TRPM3: variants seen among roughly 807,000 people sequenced by gnomAD.
The protein encoded by TRPM3 is long transient receptor potential channel 3.
TRPM3 carries 77 observed loss-of-function variants against 181.2 expected under a neutral mutation model. That is an observed-to-expected ratio of 0.42 (90% CI 0.35 to 0.51). The LOEUF (loss-of-function observed/expected upper bound fraction) is 0.51, where lower values mean the gene tolerates loss of function less well. Among genes scored for constraint, TRPM3 ranks in the 20% least tolerant of loss-of-function variants. The probability of loss-of-function intolerance (pLI) is 0.01; values close to 1 mark genes in which losing one functional copy is unlikely to be tolerated. For synonymous variants in TRPM3, 745 were observed against 796.4 expected (o/e 0.94, Z 1.09); for missense variants, 1,759 against 2,196.7 (o/e 0.80, Z 3.98).
At chr9:70,985,398 C>A (rs2097408801) in intron 1 of TRPM3, among the ~76,000 whole-genome samples, 1 of 152,110 alleles carries the variant, frequency 6.6e-6, no homozygotes. Flanking sequence ...GAGGAAGAGG[C>A]CAACAAAATT....
intron 1 of TRPM3, among the ~76,000 whole-genome samples, chr9:71,259,448 A>T (rs1419024798): frequency 1.3e-5 from 2 of 152,096 alleles, no homozygotes; most frequent in Non-Finnish European, 2.9e-5. Flanking sequence ...CTGGTTCTAG[A>T]TCCTTGAGGA....
chr9:71,104,934 C>CAAAGTAGG (rs2069175664), intron 1 of TRPM3, among the ~76,000 whole-genome samples: 1 of 152,144 alleles, frequency 6.6e-6, no homozygotes. Context: ...TTGGCAGTTC[C>CAAAGTAGG]TACTAAGGTC....
rs562487979 is a variant in TRPM3, at chr9:71,228,637, C to T, written c.183+218016G>A. Among the ~76,000 whole-genome samples the T allele has an allele frequency of 2.2e-3, 331 of 152,174 alleles. 1 individual carries two copies. The highest frequency in any genetic ancestry group is 7.6e-3 in the African/African-American group (317 of 41,552). The stretch of plus-strand genomic sequence containing the variant: ...TCAGTAAAGTTGCAGGATACAGAAT[C>T]AACATACAAAAATCAGTAGCATTTC... On this transcript the variant is annotated intron_variant, in intron 1 of 24. Transcript: ENST00000357533.
intron 1 of TRPM3, among the ~76,000 whole-genome samples, chr9:70,963,524 G>T (rs527712451): frequency 1.3e-5 from 2 of 152,276 alleles, no homozygotes; most frequent in South Asian, 2.1e-4. Context: ...GCTGGCAATT[G>T]TCCATGTCTT....
At chr9:71,309,806 T>C (rs2087745863) in intron 1 of TRPM3, among the ~76,000 whole-genome samples, 2 of 152,054 alleles carry the variant, frequency 1.3e-5, no homozygotes, top group South Asian at 4.1e-4. Context: ...GAAAGTATCA[T>C]GGCAGAATTG....
At chr9:71,255,729 CAA>C (rs2082631646) in intron 1 of TRPM3, among the ~76,000 whole-genome samples, 1 of 152,142 alleles carries the variant, frequency 6.6e-6, no homozygotes, top group African/African-American at 2.4e-5. Context: ...TAACCTTGGG[CAA>C]GTCTTTTATT....
At chr9:71,023,541 C>T (rs144700839) in intron 1 of TRPM3, among the ~76,000 whole-genome samples, 7 of 152,130 alleles carry the variant, frequency 4.6e-5, no homozygotes, top group African/African-American at 1.2e-4. Flanking sequence ...TGAGTATTCA[C>T]GGCAACTTTA....
At chr9:71,266,703 C>T (rs536663509) in intron 1 of TRPM3, among the ~76,000 whole-genome samples, 1 of 152,244 alleles carries the variant, frequency 6.6e-6, no homozygotes, top group Admixed American at 6.5e-5. Flanking sequence ...TGGTGTACAG[C>T]AGATCTCTAG....
intron 22 of TRPM3, among the ~76,000 whole-genome samples, chr9:70,589,811 G>A (rs894109168): frequency 9.2e-5 from 14 of 152,156 alleles, no homozygotes; most frequent in Non-Finnish European, 1.3e-4. Context: ...AAAATCCATC[G>A]TGGAAGAATA....
chr9:70,814,257 C>A (rs1330956384), intron 6 of TRPM3, among the ~76,000 whole-genome samples: 1 of 152,008 alleles, frequency 6.6e-6, no homozygotes, highest in South Asian at 2.1e-4. Flanking sequence ...CAATATTGAC[C>A]GTGAAACCAG....
At chr9:71,194,105 G>T (rs2078195132) in intron 1 of TRPM3, among the ~76,000 whole-genome samples, 1 of 151,818 alleles carries the variant, frequency 6.6e-6, no homozygotes, top group Non-Finnish European at 1.5e-5. Flanking sequence ...ACCATAATGG[G>T]TAGTTTGAAT....
At chr9:71,178,023 A>C (rs752841948) in intron 1 of TRPM3, among the ~76,000 whole-genome samples, 1 of 151,922 alleles carries the variant, frequency 6.6e-6, no homozygotes, top group Non-Finnish European at 1.5e-5. Context: ...GAGTACAAGC[A>C]AAAGCATTAT....
chr9:71,368,062 C>T (rs1337280126), intron 1 of TRPM3, among the ~76,000 whole-genome samples: 1 of 151,838 alleles, frequency 6.6e-6, no homozygotes, highest in Admixed American at 6.5e-5. Context: ...ACATGAGGTT[C>T]ACTGGCTAAA....
intron 9 of TRPM3, among the ~76,000 whole-genome samples, chr9:70,654,932 C>G (rs545370833): frequency 6.6e-6 from 1 of 151,494 alleles, no homozygotes; most frequent in African/African-American, 2.4e-5. Context: ...ATCTGCCCAC[C>G]TTGGCCTCCC....
At chr9:71,319,612 C>A (rs144816392) in intron 1 of TRPM3, among the ~76,000 whole-genome samples, 17 of 152,258 alleles carry the variant, frequency 1.1e-4, no homozygotes, top group African/African-American at 3.1e-4. Flanking sequence ...CATAGACATA[C>A]CCAGAAATAA....
At chr9:70,845,025 G>A (rs978907842) in intron 4 of TRPM3, among the ~76,000 whole-genome samples, 1 of 152,138 alleles carries the variant, frequency 6.6e-6, no homozygotes, top group South Asian at 2.1e-4. Flanking sequence ...AGCTAAGCAG[G>A]TCATTCTAAG....
At chr9:70,923,234 T>G (rs142210858) in intron 1 of TRPM3, among the ~76,000 whole-genome samples, 1,609 of 152,306 alleles carry the variant, frequency 0.011, 30 homozygotes, top group African/African-American at 0.037. Flanking sequence ...TTCATCTTCA[T>G]GGCGTTTTAC....
chr9:70,582,209 T>TGTG (rs1361188993), intron 22 of TRPM3, among the ~76,000 whole-genome samples: 2 of 151,236 alleles, frequency 1.3e-5, no homozygotes, highest in African/African-American at 4.9e-5. Context: ...TGTGTGTGTG[T>TGTG]GTCATGAATC....
chr9:70,894,491 T>C (rs779985295), intron 1 of TRPM3, among the ~76,000 whole-genome samples: 5 of 152,158 alleles, frequency 3.3e-5, no homozygotes, highest in Non-Finnish European at 7.3e-5. Context: ...ATGCTGTTGG[T>C]ACAAAGGCCA....
Sources: allele counts gnomAD v4.1 joint callset (sites outside exome capture counted in the v4.1 genomes callset), GRCh38; gene constraint gnomAD v4.1.1; transcripts MANE v1.5; gene names NCBI Gene and HGNC (gene_info 2026-07-23, HGNC 2026-07-21).